Variants in CCNB3 observed in about 807,000 individuals in gnomAD.
The protein encoded by CCNB3 is cyclin B3, also known as G2/mitotic-specific cyclin-B3.
Under a neutral mutation model 68.0 loss-of-function variants are expected in CCNB3, and 12 were observed. The observed-to-expected ratio is 0.18, with a 90% CI of 0.11 to 0.29. The LOEUF (loss-of-function observed/expected upper bound fraction) is 0.29. CCNB3 is among the 10% of genes least tolerant of loss of function. CCNB3 has a pLI of 1.00. For missense variants in CCNB3, 904 were observed against 993.1 expected (o/e 0.91, Z 1.21); for synonymous variants, 354 against 388.9 (o/e 0.91, Z 1.06).
chrX:50,341,855 C>T (rs1465527455), intron 8 of CCNB3: 1 of 169,737 alleles, frequency 5.9e-6, no homozygotes, highest in Non-Finnish European at 1.1e-5. Flanking sequence ...TTTGGGAGGT[C>T]ACTGTACAAG....
At chrX:50,339,973 C>G (rs1351372300) in intron 8 of CCNB3, among the ~76,000 whole-genome samples, 2 of 111,870 alleles carry the variant, frequency 1.8e-5, no homozygotes, top group Non-Finnish European at 3.8e-5. Flanking sequence ...AACATCCAAA[C>G]TATATCAGGC....
chrX:50,220,556 G>A lies in CCNB3; in HGVS notation c.-113+15606G>A, dbSNP rs1343675647. Among the ~76,000 whole-genome samples, 36 of 111,914 alleles carry A rather than the reference G, an allele frequency of 3.2e-4. No individual in the cohort carries two copies. The Admixed American group carries it at 3.3e-3, about 10-fold the overall frequency. On this transcript the variant is annotated intron_variant, in intron 1 of 12. Transcript: ENST00000376042. ...GATTTTTGTCATTGGTTCTGTTTAT[G>A]TGATGGATTACGTTTATTGATTTGC...
rs1557214685 is a variant in CCNB3 at position 50,310,736 on chromosome X, T to G, written c.2567T>G (p.Phe856Cys). The G allele has an allele frequency of 8.3e-7, 1 of 1,209,631 alleles. No homozygotes were observed. The highest frequency in any genetic ancestry group is 1.1e-6 in the Non-Finnish European group (1 of 894,822). The change falls in exon 6 of 13, where the codon TTT becomes TGT. Residue 856 changes from phenylalanine (F) to cysteine (C), a missense_variant. This residue lies in a region of CCNB3 where 619 missense variants were observed against 609.8 expected (regional missense o/e 1.02). Transcript: ENST00000376042. ...CCCAGTGTTGACACAGAAGCTCACTTTAAGGAAACTTTGGCCTTGCAGGAG... is the reference window on the plus strand; with the variant it reads ...CCCAGTGTTGACACAGAAGCTCACTGTAAGGAAACTTTGGCCTTGCAGGAG... ...KEPSVDTEAH[F>C]KETLALQEKP...
At chrX:50,302,247 G>C (rs1936660354) in intron 5 of CCNB3, among the ~76,000 whole-genome samples, 1 of 111,794 alleles carries the variant, frequency 8.9e-6, no homozygotes, top group African/African-American at 3.3e-5. Context: ...CTGTAGACTG[G>C]AGCTGTTCCT....
intron 1 of CCNB3, among the ~76,000 whole-genome samples, chrX:50,215,941 CTTTTTTTT>C (rs1195858030): frequency 1.1e-4 from 6 of 52,485 alleles, no homozygotes; most frequent in African/African-American, 3.4e-4. Context: ...GGGTGTGCTT[CTTTTTTTT>C]TTTTTTTTTT....
chrX:50,280,876 C>CA (rs1936124529), intron 1 of CCNB3, among the ~76,000 whole-genome samples: 3 of 110,724 alleles, frequency 2.7e-5, no homozygotes, highest in African/African-American at 9.8e-5. Context: ...CCTACCACCT[C>CA]AGCCTTCCAA....
chrX:50,214,253 C>A (rs2146978722), intron 1 of CCNB3, among the ~76,000 whole-genome samples: 1 of 107,300 alleles, frequency 9.3e-6, no homozygotes, highest in East Asian at 2.9e-4. Context: ...TTCAAAGAAC[C>A]AGACTTCATT....
chrX:50,308,013 A>G lies in CCNB3; in HGVS notation c.336-492A>G, dbSNP rs782747294. 2.7e-5 allele frequency among the ~76,000 whole-genome samples: 3 copies of G among 112,067 alleles called. No homozygotes were observed. In the Admixed American group the frequency reaches 2.8e-4, roughly 11 times the overall value. On this transcript the variant is annotated intron_variant, in intron 5 of 12. Transcript: ENST00000376042. ...GCTTTTTATTACCTCCATTGGGAAA[A>G]CATCTCCTTAATAGTCCAGGGTGAG...
At chrX:50,321,930 A>T (rs1248696836) in intron 8 of CCNB3, among the ~76,000 whole-genome samples, 1 of 111,080 alleles carries the variant, frequency 9.0e-6, no homozygotes, top group Admixed American at 9.6e-5. Flanking sequence ...TCAATTTTTA[A>T]AAAATTTTCT....
Position 50,294,967 on chromosome X carries a change from C to T in CCNB3, c.309C>T (p.Ala103=), listed in dbSNP as rs782059556. 2 of 1,204,390 alleles carry T rather than the reference C, an allele frequency of 1.7e-6. No homozygotes were observed. Among genetic ancestry groups the T allele is most frequent in the South Asian group, 3.6e-5 (2 of 55,520 alleles). The change falls in exon 5 of 13, where the codon GCC becomes GCT. Residue 103 remains alanine (A), a synonymous_variant. Coordinates refer to ENST00000376042, the MANE Select transcript of CCNB3 (RefSeq NM_033031.3). The part of the protein sequence containing the change: ...INRNTHALGL[A]KKNKRNLKWH... ...GGAACACACATGCTCTTGGACTGGC[C>T]AAAAAGAATAAGCGGAATCTAAAAT...
At chrX:50,222,400 G>A (rs1422762203) in intron 1 of CCNB3, among the ~76,000 whole-genome samples, 5 of 111,501 alleles carry the variant, frequency 4.5e-5, no homozygotes, top group African/African-American at 1.6e-4. Context: ...GCAGTGGCTG[G>A]TACTGGTTTT....
At chrX:50,286,977 G>C (rs1277877592) in intron 3 of CCNB3, among the ~76,000 whole-genome samples, 1 of 112,275 alleles carries the variant, frequency 8.9e-6, no homozygotes, top group East Asian at 2.8e-4. Flanking sequence ...TCTCTCTGCT[G>C]GATTGGTTTA....
chrX:50,345,342 C>G (rs1305998190), intron 9 of CCNB3, among the ~76,000 whole-genome samples: 1 of 105,980 alleles, frequency 9.4e-6, no homozygotes, highest in African/African-American at 3.5e-5. Context: ...TTCCTTCCCT[C>G]CTTGCTTCCT....
intron 1 of CCNB3, among the ~76,000 whole-genome samples, chrX:50,281,117 C>A (rs1336713271): frequency 9.0e-6 from 1 of 110,876 alleles, no homozygotes; most frequent in Non-Finnish European, 1.9e-5. Flanking sequence ...CAGCCTGGTC[C>A]AACCAATTAT....
intron 1 of CCNB3, among the ~76,000 whole-genome samples, chrX:50,279,807 AAT>A (rs1436210537): frequency 2.3e-5 from 2 of 87,939 alleles, no homozygotes; most frequent in East Asian, 3.4e-4. Context: ...CTATATATAG[AAT>A]ATATATGGTA....
intron 7 of CCNB3, among the ~76,000 whole-genome samples, chrX:50,313,286 A>G (rs782089564): frequency 8.1e-5 from 9 of 111,506 alleles, no homozygotes; most frequent in Non-Finnish European, 1.7e-4. Flanking sequence ...AGATCCACCT[A>G]TCCTCTTTAT....
chrX:50,226,520 G>GAT (rs1227151153), intron 1 of CCNB3, among the ~76,000 whole-genome samples: 4 of 4,274 alleles, frequency 9.4e-4, no homozygotes, highest in African/African-American at 9.4e-4. Context: ...AGAATATATA[G>GAT]ATATATATAT....
chrX:50,321,723 C>T (rs1388653473), intron 8 of CCNB3, among the ~76,000 whole-genome samples: 2 of 110,803 alleles, frequency 1.8e-5, no homozygotes, highest in African/African-American at 6.6e-5. Context: ...CATTTATTGC[C>T]TCTTTACTCA....
chrX:50,341,667 A>G (rs1356007384), intron 8 of CCNB3: 4 of 111,566 alleles, frequency 3.6e-5, no homozygotes, highest in African/African-American at 1.3e-4. Context: ...AAAAGAAGGG[A>G]AGGAGGTTAT....
Sources: allele counts gnomAD v4.1 joint callset (sites outside exome capture counted in the v4.1 genomes callset), GRCh38; gene constraint gnomAD v4.1.1; regional missense constraint gnomAD v4.1.1; transcripts MANE v1.5; gene names NCBI Gene and HGNC (gene_info 2026-07-23, HGNC 2026-07-21).